SLCO1B1: variants seen among roughly 807,000 people sequenced by gnomAD.
The protein encoded by SLCO1B1 is OATP-2.
In SLCO1B1, 81 loss-of-function variants were observed where a neutral mutation model predicts 70.1. The observed-to-expected ratio is 1.16, with a 90% CI of 0.97 to 1.39. The LOEUF (loss-of-function observed/expected upper bound fraction) is 1.39, where lower values mean the gene tolerates loss of function less well. Among genes scored for constraint, SLCO1B1 ranks in the 40% most tolerant of loss-of-function variants. The pLI is 0.00. For synonymous variants in SLCO1B1, 283 were observed against 271.5 expected, an observed-to-expected ratio of 1.04 and a Z score of -0.42; for missense variants, 895 against 799.6, an observed-to-expected ratio of 1.12 and a Z score of -1.44.
At chr12:21,192,674 G>A (rs1026710430) in intron 7 of SLCO1B1, among the ~76,000 whole-genome samples, 4 of 151,568 alleles carry the variant, frequency 2.6e-5, no homozygotes, top group Non-Finnish European at 5.9e-5. Context: ...GTGTAAAATA[G>A]GTTGTTAGTT....
chr12:21,140,238 A>T (rs1051399525), intron 1 of SLCO1B1, among the ~76,000 whole-genome samples: 1 of 152,086 alleles, frequency 6.6e-6, no homozygotes, highest in East Asian at 1.9e-4. Flanking sequence ...TATAATATAT[A>T]TTAGACATAT....
At chr12:21,231,394 C>T (rs562571428) in intron 14 of SLCO1B1, among the ~76,000 whole-genome samples, 1 of 143,252 alleles carries the variant, frequency 7.0e-6, no homozygotes, top group Non-Finnish European at 1.6e-5. Flanking sequence ...AGAGTTCTAT[C>T]CTCCTTCAAT....
intron 14 of SLCO1B1, among the ~76,000 whole-genome samples, chr12:21,233,330 C>A (rs542349523): frequency 6.6e-6 from 1 of 152,246 alleles, no homozygotes; most frequent in East Asian, 1.9e-4. Flanking sequence ...TTAGAGGTCT[C>A]CTCCACATAT....
intron 14 of SLCO1B1, among the ~76,000 whole-genome samples, chr12:21,235,078 C>A (rs186003467): frequency 7.1e-6 from 1 of 141,792 alleles, no homozygotes; most frequent in Non-Finnish European, 1.5e-5. Context: ...TACTTCAAGT[C>A]GAATTTTTTT....
intron 14 of SLCO1B1, among the ~76,000 whole-genome samples, chr12:21,231,962 A>G (rs1003215879): frequency 1.3e-5 from 2 of 152,168 alleles, no homozygotes; most frequent in African/African-American, 4.8e-5. Flanking sequence ...TGAAATAAAT[A>G]AGCCTTAACT....
intron 1 of SLCO1B1, among the ~76,000 whole-genome samples, chr12:21,132,368 G>C (rs1345743427): frequency 6.6e-6 from 1 of 152,104 alleles, no homozygotes; most frequent in African/African-American, 2.4e-5. Context: ...GGATGGCTGG[G>C]TCAAATGGTA....
chr12:21,155,805 T>C (rs1462425010), intron 2 of SLCO1B1, among the ~76,000 whole-genome samples: 1 of 152,140 alleles, frequency 6.6e-6, no homozygotes, highest in Admixed American at 6.5e-5. Flanking sequence ...TTTGAGGAGA[T>C]TGTTAACTAG....
chr12:21,222,397 A>AAAATATAT (rs1555097342), intron 13 of SLCO1B1, 33 bp downstream of exon 13: 11 of 97,722 alleles, frequency 1.1e-4, no homozygotes, highest in African/African-American at 2.7e-4. Context: ...AAAAAAAAAA[A>AAAATATAT]ATATATATAT....
chr12:21,173,829 G>C (rs1440636199), intron 3 of SLCO1B1, among the ~76,000 whole-genome samples: 1 of 145,794 alleles, frequency 6.9e-6, no homozygotes, highest in Admixed American at 6.9e-5. Context: ...CTGTAGTGCA[G>C]TGGTGCGATC....
chr12:21,211,533 G>A (rs1424904424), intron 11 of SLCO1B1, among the ~76,000 whole-genome samples: 1 of 152,048 alleles, frequency 6.6e-6, no homozygotes, highest in Non-Finnish European at 1.5e-5. Flanking sequence ...TTTTTTTGTT[G>A]TGTCTCTGCC....
chr12:21,186,443 C>A (rs983131326), intron 7 of SLCO1B1, among the ~76,000 whole-genome samples: 1 of 149,052 alleles, frequency 6.7e-6, no homozygotes, highest in African/African-American at 2.4e-5. Context: ...GATTGTGATT[C>A]TTGTGCGTTT....
intron 2 of SLCO1B1, among the ~76,000 whole-genome samples, chr12:21,152,261 C>T (rs934424398): frequency 5.3e-5 from 8 of 151,882 alleles, no homozygotes; most frequent in African/African-American, 1.9e-4. Flanking sequence ...GCTTACATTG[C>T]TCTGTTCTTG....
intron 2 of SLCO1B1, among the ~76,000 whole-genome samples, chr12:21,171,796 C>T (rs1380971923): frequency 6.6e-6 from 1 of 151,876 alleles, no homozygotes; most frequent in Non-Finnish European, 1.5e-5. Flanking sequence ...TTCCTGGTTT[C>T]CAGAAGGCCA....
intron 2 of SLCO1B1, among the ~76,000 whole-genome samples, chr12:21,154,687 A>AT (rs1782305777): frequency 1.3e-5 from 2 of 151,946 alleles, no homozygotes; most frequent in South Asian, 2.1e-4. Context: ...CATTGAGAAA[A>AT]TTTATCAAGT....
intron 11 of SLCO1B1, among the ~76,000 whole-genome samples, chr12:21,211,247 T>C (rs1941280507): frequency 6.6e-6 from 1 of 152,180 alleles, no homozygotes; most frequent in Admixed American, 6.5e-5. Flanking sequence ...CAATACCTAA[T>C]TTATTGAGAG....
Position 21,224,857 on chromosome 12 carries a change from T to G in SLCO1B1, c.1865+18T>G. 1 of 1,308,550 alleles carries G rather than the reference T, an allele frequency of 7.6e-7. No individual in the cohort carries two copies. The highest frequency in any genetic ancestry group is 1.1e-6 in the Non-Finnish European group (1 of 910,792). The allele number at this position is 1,308,550 out of a possible 1,614,324, so 81.1% of individuals were successfully genotyped here. A position where few individuals can be genotyped will look rare whatever the true frequency, so the allele number is the denominator to read the frequency against. ...TCATTTTCGTAAGTTGTCATAAATA[T>G]ATTTCATTATTTTTTCTTTGACTAT... On this transcript the variant is annotated intron_variant, in intron 14 of 14. Transcript: ENST00000256958.
intron 2 of SLCO1B1, among the ~76,000 whole-genome samples, chr12:21,145,473 ATTTTTT>A (rs35334634): frequency 5.3e-5 from 4 of 76,102 alleles, no homozygotes; most frequent in African/African-American, 1.1e-4. Context: ...CATTTTTTTC[ATTTTTT>A]TTTTTTTTTT....
chr12:21,134,173 G>C (rs1392385457), intron 1 of SLCO1B1, among the ~76,000 whole-genome samples: 1 of 152,180 alleles, frequency 6.6e-6, no homozygotes, highest in Admixed American at 6.5e-5. Flanking sequence ...TTGCATCCCA[G>C]GGATGAATCC....
chr12:21,141,320 C>T (rs1051063540), intron 1 of SLCO1B1, among the ~76,000 whole-genome samples, 194 bp from the exon 2 acceptor site: 9 of 151,788 alleles, frequency 5.9e-5, no homozygotes, highest in African/African-American at 1.7e-4. Context: ...ATTGTAATCT[C>T]CTTAGGCTAG....
Sources: gnomAD v4.1 joint callset for allele counts (sites outside exome capture counted in the v4.1 genomes callset) on GRCh38, gnomAD v4.1.1 for gene constraint, MANE v1.5 for transcripts, NCBI Gene and HGNC (gene_info 2026-07-23, HGNC 2026-07-21) for gene names.